PPP1R12B: variants seen among roughly 807,000 people sequenced by gnomAD.
PPP1R12B encodes protein phosphatase 1 regulatory subunit 12B, also known as myosin phosphatase target subunit 2.
PPP1R12B carries 76 observed loss-of-function variants against 126.1 expected under a neutral mutation model. That is an observed-to-expected ratio of 0.60 (90% CI 0.50 to 0.73). PPP1R12B has a LOEUF of 0.73. Ranked by LOEUF, PPP1R12B falls within the 30% of genes least tolerant of loss-of-function variation. The probability of loss-of-function intolerance (pLI) is 0.00; values close to 1 mark genes in which losing one functional copy is unlikely to be tolerated. For missense variants in PPP1R12B, 1,052 were observed against 1,205.1 expected, an observed-to-expected ratio of 0.87 and a Z score of 1.88; for synonymous variants, 356 against 434.7, an observed-to-expected ratio of 0.82 and a Z score of 2.25.
chr1:202,526,654 G>C lies in PPP1R12B; in HGVS notation c.2490+29832G>C, dbSNP rs1252281268. Among the ~76,000 whole-genome samples, 4 of 152,146 alleles carry C rather than the reference G, an allele frequency of 2.6e-5. No homozygotes were observed. In the South Asian group the frequency reaches 8.3e-4, roughly 31 times the overall value. ...CATCAAGAGCATGAGAGACAGTGGA[G>C]ATTTCATGAGGTTGAACAATGAACA... On this transcript the variant is annotated intron_variant, in intron 18 of 23. Transcript: ENST00000608999.
At chr1:202,524,794 C>A (rs1482205897) in intron 18 of PPP1R12B, among the ~76,000 whole-genome samples, 1 of 152,158 alleles carries the variant, frequency 6.6e-6, no homozygotes, top group Non-Finnish European at 1.5e-5. Context: ...GGGCTGGTTC[C>A]AAATTTTTGC....
chr1:202,372,074 T>A (rs1384217329), intron 1 of PPP1R12B, among the ~76,000 whole-genome samples: 2 of 152,110 alleles, frequency 1.3e-5, no homozygotes, highest in African/African-American at 2.4e-5. Context: ...TTTCACCATG[T>A]TGGCCAGGCT....
At chr1:202,368,708 A>G (rs1410304033) in intron 1 of PPP1R12B, among the ~76,000 whole-genome samples, 1 of 151,836 alleles carries the variant, frequency 6.6e-6, no homozygotes, top group Admixed American at 6.6e-5. Flanking sequence ...TATATAAGCC[A>G]TATAAAATGC....
intron 20 of PPP1R12B, among the ~76,000 whole-genome samples, chr1:202,563,431 G>A (rs990245768): frequency 2.0e-5 from 3 of 151,984 alleles, no homozygotes; most frequent in Non-Finnish European, 4.4e-5. Context: ...GTTGCTTTTA[G>A]TGCAGTAAGT....
chr1:202,378,896 CTCT>C lies in PPP1R12B; in HGVS notation c.291+29759_291+29761del, dbSNP rs779059836. Among the ~76,000 whole-genome samples the C allele has an allele frequency of 5.0e-4, 76 of 151,990 alleles. 2 individuals are homozygous for C. Among genetic ancestry groups the C allele is most frequent in the Non-Finnish European group, 5.2e-4 (35 of 67,954 alleles). On this transcript the variant is annotated intron_variant, in intron 1 of 23. Transcript: ENST00000608999. ...ACAATGCTTTTTTTCCCCTCAGATC[CTCT>C]TCTTACCTCCTGAATCACTCTTCTG...
At chr1:202,545,314 T>C (rs1325061899) in intron 18 of PPP1R12B, among the ~76,000 whole-genome samples, 7 of 152,204 alleles carry the variant, frequency 4.6e-5, no homozygotes, top group Admixed American at 1.3e-4. Context: ...GCTTTCCCAT[T>C]TGGACCCATT....
rs1283056522 is a variant in PPP1R12B at position 202,349,142 on chromosome 1, G to A, written c.291G>A (p.Gln97=). 3.1e-6 allele frequency: 5 copies of A among 1,613,790 alleles called. No homozygotes were observed. Among genetic ancestry groups the A allele is most frequent in the Non-Finnish European group, 4.2e-6 (5 of 1,179,996 alleles). The stretch of plus-strand genomic sequence containing the variant: ...TGGACGGCTTGACAGCCCTGCACCA[G>A]GTAACTCCTTTCTTGGTCTTAGAGG... ...VNVDGLTALH[Q]ACIDENLDMV... The change falls in exon 1 of 24, where the codon CAG becomes CAA. Residue 97 remains glutamine, a splice_region_variant and synonymous_variant. Coordinates refer to ENST00000608999, the MANE Select transcript of PPP1R12B (RefSeq NM_002481.4).
rs187539921 is a variant in PPP1R12B, at chr1:202,569,607, C to T, written c.2862+410C>T. ...CTGAGCATGGCCATAAGCTTTCTTC[C>T]CTGGTGCCCCTCCCAACCCATCCCT... On this transcript the variant is annotated intron_variant, in intron 23 of 23. Coordinates refer to ENST00000608999, the MANE Select transcript of PPP1R12B (RefSeq NM_002481.4). 1.5e-3 allele frequency among the ~76,000 whole-genome samples: 224 copies of T among 152,266 alleles called. 2 individuals carry two copies. Among genetic ancestry groups the T allele is most frequent in the Admixed American group, 5.2e-3 (79 of 15,292 alleles).
chr1:202,482,426 C>T (rs1157484695), intron 13 of PPP1R12B, among the ~76,000 whole-genome samples: 1 of 152,128 alleles, frequency 6.6e-6, no homozygotes, highest in African/African-American at 2.4e-5. Flanking sequence ...TGATAATGGT[C>T]ATTCTAAGTG....
chr1:202,458,259 A>G (rs999456082), intron 13 of PPP1R12B, among the ~76,000 whole-genome samples: 2 of 98,530 alleles, frequency 2.0e-5, no homozygotes, highest in African/African-American at 3.2e-5. Context: ...TCTAGTCTCA[A>G]AGCTATGGAA....
chr1:202,498,516 G>A (rs1261904536), intron 18 of PPP1R12B, among the ~76,000 whole-genome samples: 1 of 152,140 alleles, frequency 6.6e-6, no homozygotes, highest in Admixed American at 6.5e-5. Flanking sequence ...TTTTGTAAAA[G>A]TCTTATATTT....
At chr1:202,349,824 A>AT (rs200466411) in intron 1 of PPP1R12B, among the ~76,000 whole-genome samples, 15 of 150,538 alleles carry the variant, frequency 1.0e-4, no homozygotes, top group South Asian at 4.2e-4. Context: ...CTATTTTTCT[A>AT]TTTTTTTTTC....
In PPP1R12B at chr1:202,495,294, C is replaced by T; in HGVS notation, c.2147C>T (p.Pro716Leu). Residue 716 changes from proline to leucine, a missense_variant and splice_region_variant, in exon 16 of 24, where the codon CCT (proline) becomes CTT (leucine). Coordinates refer to ENST00000608999, the MANE Select transcript of PPP1R12B (RefSeq NM_002481.4). ...QPWGRSLDEEPICHRLRCPAQ... is the reference protein window; with the variant it reads ...QPWGRSLDEELICHRLRCPAQ... The stretch of plus-strand genomic sequence containing the variant: ...TCTCATATTGTGGATTATTTCCAGC[C>T]TATCTGTCATCGCCTGAGGTGCCCA... The T allele has an allele frequency of 6.4e-7, 1 of 1,550,730 alleles. No homozygotes were observed. Among genetic ancestry groups the T allele is most frequent in the Non-Finnish European group, 8.7e-7 (1 of 1,153,042 alleles).
chr1:202,493,369 T>C, intron 15 of PPP1R12B, 52 bp downstream of exon 15: 1 of 1,543,248 alleles, frequency 6.5e-7, no homozygotes. Flanking sequence ...GTAATTAGTT[T>C]GGGGAGTATC....
chr1:202,351,880 A>G (rs1221757073), intron 1 of PPP1R12B, among the ~76,000 whole-genome samples: 1 of 152,134 alleles, frequency 6.6e-6, no homozygotes, highest in African/African-American at 2.4e-5. Context: ...TGGTGCCTTG[A>G]TGCTTCTTTT....
intron 19 of PPP1R12B, among the ~76,000 whole-genome samples, chr1:202,561,272 GTC>G (rs2149008960): frequency 6.6e-6 from 1 of 152,160 alleles, no homozygotes; most frequent in Non-Finnish European, 1.5e-5. Context: ...TTATAGATAA[GTC>G]TGCTCATTTT....
At chr1:202,354,315 A>G (rs1455935229) in intron 1 of PPP1R12B, among the ~76,000 whole-genome samples, 2 of 152,200 alleles carry the variant, frequency 1.3e-5, no homozygotes, top group Non-Finnish European at 2.9e-5. Flanking sequence ...TTTTGTCCCA[A>G]TAATCACAAT....
intron 13 of PPP1R12B, among the ~76,000 whole-genome samples, chr1:202,470,998 A>G (rs1426121495): frequency 2.0e-5 from 3 of 152,020 alleles, no homozygotes; most frequent in African/African-American, 2.4e-5. Flanking sequence ...ATATTTTGCC[A>G]TATTTGCTTC....
At chr1:202,552,370 C>A (rs2148988489) in intron 18 of PPP1R12B, among the ~76,000 whole-genome samples, 1 of 152,294 alleles carries the variant, frequency 6.6e-6, no homozygotes, top group East Asian at 1.9e-4. Context: ...ATGAAGAAAT[C>A]TTTTCCCTTA....
Sources: gnomAD v4.1 joint callset for allele counts (sites outside exome capture counted in the v4.1 genomes callset) on GRCh38, gnomAD v4.1.1 for gene constraint, MANE v1.5 for transcripts, NCBI Gene and HGNC (gene_info 2026-07-23, HGNC 2026-07-21) for gene names.